Variants in LACTB2 observed in about 807,000 individuals in gnomAD.
The protein encoded by LACTB2 is lactamase beta 2.
In LACTB2, 32 loss-of-function variants were observed where a neutral mutation model predicts 34.8. The observed-to-expected ratio is 0.92, with a 90% CI of 0.69 to 1.24. The LOEUF is 1.24. Among genes scored for constraint, LACTB2 ranks in the 50% most tolerant of loss-of-function variants. The pLI is 0.00. For synonymous variants in LACTB2, 120 were observed against 117.5 expected (o/e 1.02, Z -0.14); for missense variants, 320 against 345.0 (o/e 0.93, Z 0.57).
At chr8:70,648,105 G>A (rs777653088) in intron 3 of LACTB2, among the ~76,000 whole-genome samples, 14 of 152,108 alleles carry the variant, frequency 9.2e-5, no homozygotes, top group Non-Finnish European at 1.8e-4. Flanking sequence ...AAGACTCTAC[G>A]ATACCAATGT....
At chr8:70,664,348 T>C (rs1818514123) in intron 1 of LACTB2, among the ~76,000 whole-genome samples, 1 of 152,218 alleles carries the variant, frequency 6.6e-6, no homozygotes. Context: ...CACATCACAC[T>C]GATCAAAAGT....
intron 1 of LACTB2, chr8:70,662,172 A>C: frequency 4.0e-6 from 1 of 248,620 alleles, no homozygotes; most frequent in Non-Finnish European, 7.7e-6. Flanking sequence ...GCACCATTCC[A>C]AGGACTTTAC....
At chr8:70,651,435 A>G (rs907472619) in intron 3 of LACTB2, among the ~76,000 whole-genome samples, 1 of 152,204 alleles carries the variant, frequency 6.6e-6, no homozygotes. Flanking sequence ...AGCCAACTAT[A>G]TAAACATGTG....
chr8:70,638,152 A>C (rs571091341), intron 6 of LACTB2, among the ~76,000 whole-genome samples: 1 of 152,254 alleles, frequency 6.6e-6, no homozygotes, highest in South Asian at 2.1e-4. Flanking sequence ...ACACTAGAAA[A>C]TAATTACATA....
chr8:70,652,640 G>C (rs1465614743), intron 3 of LACTB2: 1 of 152,170 alleles, frequency 6.6e-6, no homozygotes, highest in Non-Finnish European at 1.5e-5. Context: ...AACTGAAGGG[G>C]AAGCAAGCAC....
In LACTB2 at chr8:70,638,535, G is replaced by T; in HGVS notation, c.823+13C>A. Reference sequence around the variant, plus strand: ...AATGCTGGTAATAGAAGAAAATTTGGAAGCATACTCACATATTTTTCCTTC... The same window carrying T: ...AATGCTGGTAATAGAAGAAAATTTGTAAGCATACTCACATATTTTTCCTTC... On this transcript the variant is annotated intron_variant, in intron 6 of 6. Coordinates refer to ENST00000276590, the MANE Select transcript of LACTB2 (RefSeq NM_016027.3). The T allele has an allele frequency of 6.6e-7, 1 of 1,524,312 alleles. No homozygotes were observed. 94.4% of individuals were successfully genotyped at this position (1,524,312 alleles called of 1,614,324 possible).
chr8:70,656,300 A>G (rs1374836284), intron 3 of LACTB2, among the ~76,000 whole-genome samples: 4 of 152,146 alleles, frequency 2.6e-5, no homozygotes, highest in Non-Finnish European at 5.9e-5. Flanking sequence ...ATCTTCTGTA[A>G]TTTTTATAGT....
rs1818233390 is a variant in LACTB2, at chr8:70,644,104, T to TTC, written c.552_553insGA (p.Lys185GlufsTer5). 6.2e-7 allele frequency: 1 copy of TTC among 1,602,140 alleles called. No individual in the cohort carries two copies. Among genetic ancestry groups the TTC allele is most frequent in the Non-Finnish European group, 8.5e-7 (1 of 1,175,336 alleles). The stretch of plus-strand genomic sequence containing the variant: ...TCAGCTTTGATTTTCAATAACTCTT[T>TTC]TAAAGAGTTCATATAATCATAGAGG... On this transcript the variant is annotated frameshift_variant, in exon 4 of 7. Transcript: ENST00000276590. LOFTEE classifies it high-confidence loss of function.
In LACTB2 at chr8:70,668,748, G is replaced by GTTTTTTTTTTTTTT. The variant is rs990900411; in HGVS notation, c.122+237_122+250dup. On this transcript the variant is annotated intron_variant, in intron 1 of 6. Coordinates refer to ENST00000276590, the MANE Select transcript of LACTB2 (RefSeq NM_016027.3). ...CAGTAAATCGGGTTTCAAAACAGAA[G>GTTTTTTTTTTTTTT]TTTTTTTTTTTTTTTTTTTTTTTTT... Among the ~76,000 whole-genome samples the GTTTTTTTTTTTTTT allele has an allele frequency of 1.2e-4, 12 of 103,724 alleles. 1 individual carries two copies. The highest frequency in any genetic ancestry group is 4.8e-4 in the South Asian group (1 of 2,074). The allele number at this position is 103,724 out of a possible 152,430, so 68.0% of individuals were successfully genotyped here.
Position 70,652,947 on chromosome 8 carries a change from T to C in LACTB2, c.413+4809A>G, listed in dbSNP as rs539544507. ...ATTCCCAAATCTTCGAGACAGAAGA[T>C]TCAATAAACCATCTCTACCCCTTTC... On this transcript the variant is annotated intron_variant, in intron 3 of 6. Coordinates refer to ENST00000276590, the MANE Select transcript of LACTB2 (RefSeq NM_016027.3). Among the ~76,000 whole-genome samples, 9 of 152,230 alleles carry C rather than the reference T, an allele frequency of 5.9e-5. No individual in the cohort carries two copies. In the East Asian group the frequency reaches 1.7e-3, roughly 29 times the overall value.
chr8:70,646,502 CTAT>C (rs1362322457), intron 3 of LACTB2: 6 of 152,254 alleles, frequency 3.9e-5, no homozygotes, highest in African/African-American at 1.4e-4. Flanking sequence ...ACTCTTTAAT[CTAT>C]TTTTTTCTCT....
chr8:70,654,203 G>A (rs1355512097), intron 3 of LACTB2, among the ~76,000 whole-genome samples: 4 of 152,178 alleles, frequency 2.6e-5, no homozygotes, highest in African/African-American at 9.7e-5. Flanking sequence ...TGTGAACTGG[G>A]CTTTGAAGAA....
chr8:70,649,113 TAAG>T (rs1818304577), intron 3 of LACTB2, among the ~76,000 whole-genome samples: 1 of 152,214 alleles, frequency 6.6e-6, no homozygotes, highest in Non-Finnish European at 1.5e-5. Context: ...TTCAGATATC[TAAG>T]GTCTCAAAAA....
At chr8:70,654,356 T>C (rs1818382429) in intron 3 of LACTB2, among the ~76,000 whole-genome samples, 1 of 151,762 alleles carries the variant, frequency 6.6e-6, no homozygotes, top group Admixed American at 6.6e-5. Context: ...ACCAGAAAAG[T>C]GGCCTGGGGT....
chr8:70,652,170 C>T (rs1818351381), intron 3 of LACTB2, among the ~76,000 whole-genome samples: 1 of 152,134 alleles, frequency 6.6e-6, no homozygotes, highest in Non-Finnish European at 1.5e-5. Flanking sequence ...GCAAGATCAA[C>T]TGGCCAATGA....
intron 3 of LACTB2, among the ~76,000 whole-genome samples, chr8:70,652,232 G>A (rs1818352446): frequency 6.6e-6 from 1 of 152,096 alleles, no homozygotes; most frequent in African/African-American, 2.4e-5. Context: ...AACTTTCACT[G>A]AACAAAACTC....
intron 3 of LACTB2, among the ~76,000 whole-genome samples, chr8:70,645,505 T>A (rs543588643): frequency 1.5e-4 from 23 of 151,886 alleles, no homozygotes; most frequent in South Asian, 4.1e-4. Context: ...TTTTTTTTTT[T>A]AAATTATACT....
chr8:70,642,193 G>A (rs1405233571), intron 4 of LACTB2, among the ~76,000 whole-genome samples: 1 of 152,146 alleles, frequency 6.6e-6, no homozygotes. Flanking sequence ...TTCACTCAAC[G>A]TCTGCCCTCT....
chr8:70,648,337 G>C (rs986697410), intron 3 of LACTB2, among the ~76,000 whole-genome samples: 5 of 152,158 alleles, frequency 3.3e-5, no homozygotes, highest in African/African-American at 1.2e-4. Context: ...AGGGGGTTAT[G>C]AAGAAAATTT....
Sources: gnomAD v4.1 joint callset for allele counts (sites outside exome capture counted in the v4.1 genomes callset) on GRCh38, gnomAD v4.1.1 for gene constraint, MANE v1.5 for transcripts, NCBI Gene and HGNC (gene_info 2026-07-23, HGNC 2026-07-21) for gene names.